UBOX5: variants seen among roughly 807,000 people sequenced by gnomAD.
UBOX5 encodes RING finger protein 37.
In UBOX5, 28 loss-of-function variants were observed where a neutral mutation model predicts 39.0. That is an observed-to-expected ratio of 0.72 (90% confidence interval 0.53 to 0.98). The LOEUF is 0.98. Ranked by LOEUF, UBOX5 falls within the 50% of genes least tolerant of loss-of-function variation. The pLI, the probability that UBOX5 is intolerant of heterozygous loss-of-function variation, is 0.00. For missense variants in UBOX5, 585 were observed against 674.4 expected, an observed-to-expected ratio of 0.87 and a Z score of 1.47; for synonymous variants, 283 against 275.5, an observed-to-expected ratio of 1.03 and a Z score of -0.27.
chr20:3,143,987 T>G (rs1198099730), intron 1 of UBOX5, among the ~76,000 whole-genome samples: 1 of 151,842 alleles, frequency 6.6e-6, no homozygotes, highest in Non-Finnish European at 1.5e-5. Flanking sequence ...ACTAAGAAAA[T>G]GTAAGATTTA....
At position 3,149,722 on chromosome 20, in the gene UBOX5, A is replaced by C. The variant is rs113071255; in HGVS notation, c.-42+10044T>G. Among the ~76,000 whole-genome samples the C allele has an allele frequency of 0.012, 1,787 of 152,348 alleles. 37 individuals are homozygous for C. Among genetic ancestry groups the C allele is most frequent in the African/African-American group, 0.041 (1,722 of 41,578 alleles). On this transcript the variant is annotated intron_variant, in intron 1 of 4. Transcript: ENST00000217173. The surrounding 1 kb of genome is among the most constrained non-coding windows in gnomAD (Gnocchi z 4.1). ...AAGTAAAAAGTGGGATCTGGTATAA[A>C]AGATAATTAGTTGGCTGGGTGTGGG...
At chr20:3,153,202 T>C (rs538567813) in intron 1 of UBOX5, among the ~76,000 whole-genome samples, 1 of 152,376 alleles carries the variant, frequency 6.6e-6, no homozygotes, top group African/African-American at 2.4e-5. Context: ...GAAATTACTA[T>C]ACGTGGTCTG....
At chr20:3,151,708 T>A (rs2066626952) in intron 1 of UBOX5, 1 of 151,968 alleles carries the variant, frequency 6.6e-6, no homozygotes, top group African/African-American at 2.4e-5. Context: ...ACTAAAATAA[T>A]GTTTTTCTTT....
At chr20:3,138,187 G>A (rs997210171) in intron 1 of UBOX5, among the ~76,000 whole-genome samples, 5 of 151,896 alleles carry the variant, frequency 3.3e-5, no homozygotes, top group Admixed American at 6.6e-5. Flanking sequence ...GTGAGAGAAT[G>A]GCTTGAACCT....
At chr20:3,119,196 C>T (rs2066315958) in intron 3 of UBOX5, among the ~76,000 whole-genome samples, 2 of 152,216 alleles carry the variant, frequency 1.3e-5, no homozygotes, top group Admixed American at 1.3e-4. Flanking sequence ...AGCTCCCACA[C>T]AGTACACTGC....
At chr20:3,126,519 A>C (rs1264883967) in intron 1 of UBOX5, among the ~76,000 whole-genome samples, 1 of 151,406 alleles carries the variant, frequency 6.6e-6, no homozygotes, top group Non-Finnish European at 1.5e-5. Flanking sequence ...ACTAAAAAAA[A>C]AAAAAGAAAA....
intron 1 of UBOX5, chr20:3,151,740 GA>G (rs1242930763): frequency 6.6e-6 from 1 of 151,874 alleles, no homozygotes; most frequent in Non-Finnish European, 1.5e-5. Context: ...GATAATTGAA[GA>G]TTACAGTCCT....
chr20:3,120,150 C>T (rs1165073137), intron 3 of UBOX5, among the ~76,000 whole-genome samples: 3 of 152,030 alleles, frequency 2.0e-5, no homozygotes, highest in Non-Finnish European at 4.4e-5. Flanking sequence ...AGGTTGAGAC[C>T]ATCCCGGGCA....
intron 1 of UBOX5, among the ~76,000 whole-genome samples, chr20:3,154,167 G>C (rs990139020): frequency 6.6e-6 from 1 of 152,148 alleles, no homozygotes; most frequent in African/African-American, 2.4e-5. Context: ...GAAATCCCAG[G>C]AAAAAGGTGA....
rs1250328826 is a variant in UBOX5, at chr20:3,121,767, T to C, written c.872A>G (p.Lys291Arg). ...GKVIDQSTLEKCNRSEATWGR... is the reference protein window; with the variant it reads ...GKVIDQSTLERCNRSEATWGR... ...CCATGTGGCTTCACTGCGGTTACAC[T>C]TCTCCAGTGTGCTCTGGTCGATGAC... The change falls in exon 3 of 5, where the codon AAG becomes AGG. Residue 291 changes from lysine to arginine, a missense_variant. By Grantham distance (26) the Lys-to-Arg change is conservative. Transcript: ENST00000217173. 3 of 1,613,942 alleles carry C rather than the reference T, an allele frequency of 1.9e-6. No homozygotes were observed. Among genetic ancestry groups the C allele is most frequent in the East Asian group, 2.2e-5 (1 of 44,846 alleles).
At chr20:3,145,387 T>A (rs1210364078) in intron 1 of UBOX5, among the ~76,000 whole-genome samples, 1 of 151,814 alleles carries the variant, frequency 6.6e-6, no homozygotes, top group Non-Finnish European at 1.5e-5. Flanking sequence ...GTTCAAGAGA[T>A]CACCCAAAGT....
At chr20:3,127,901 CA>C (rs2066402643) in intron 1 of UBOX5, among the ~76,000 whole-genome samples, 1 of 152,166 alleles carries the variant, frequency 6.6e-6, no homozygotes, top group African/African-American at 2.4e-5. Context: ...ACATGAATCT[CA>C]TGGGGTAGAA....
At chr20:3,153,025 A>T (rs1477016146) in intron 1 of UBOX5, among the ~76,000 whole-genome samples, 2 of 152,252 alleles carry the variant, frequency 1.3e-5, no homozygotes, top group African/African-American at 4.8e-5. Flanking sequence ...GCTGGTTTAC[A>T]AGATAAATGT....
At chr20:3,123,812 T>C (rs571711256) in intron 1 of UBOX5, among the ~76,000 whole-genome samples, 120 of 152,374 alleles carry the variant, frequency 7.9e-4, no homozygotes, top group Non-Finnish European at 1.1e-3. Flanking sequence ...AGCATCCTTG[T>C]CATTTAATAC....
chr20:3,120,934 C>T (rs186244359), intron 3 of UBOX5, among the ~76,000 whole-genome samples: 1 of 152,074 alleles, frequency 6.6e-6, no homozygotes, highest in Non-Finnish European at 1.5e-5. Context: ...AGAAATAACA[C>T]CCAGAGGAGC....
At chr20:3,151,876 A>G (rs2066628695) in intron 1 of UBOX5, 1 of 151,802 alleles carries the variant, frequency 6.6e-6, no homozygotes, top group African/African-American at 2.4e-5. Context: ...AGGCCAAGGC[A>G]GGCAGATCAC....
chr20:3,109,941 C>T lies in UBOX5; in HGVS notation c.*165G>A, dbSNP rs1228542201. The T allele has an allele frequency of 7.8e-6, 6 of 773,280 alleles. No individual in the cohort carries two copies. Among genetic ancestry groups the T allele is most frequent in the Admixed American group, 2.6e-5 (1 of 38,712 alleles). The allele number at this position is 773,280 out of a possible 1,614,324, so 47.9% of individuals were successfully genotyped here. On this transcript the variant is annotated 3_prime_UTR_variant, in exon 5 of 5. Coordinates refer to ENST00000217173, the MANE Select transcript of UBOX5 (RefSeq NM_014948.4). ...GGCTTTGTTGCCCTATTGCCACCAGCGCAGAAGCAATGTGCTATACCGTGA... is the reference window on the plus strand; with the variant it reads ...GGCTTTGTTGCCCTATTGCCACCAGTGCAGAAGCAATGTGCTATACCGTGA...
rs551656628 is a variant in UBOX5 at position 3,124,306 on chromosome 20, C to T, written c.-41-900G>A. Among the ~76,000 whole-genome samples the T allele has an allele frequency of 3.9e-5, 6 of 152,336 alleles. No individual in the cohort carries two copies. The East Asian group carries it at 1.2e-3, about 29-fold the overall frequency. On this transcript the variant is annotated intron_variant, in intron 1 of 4. Coordinates refer to ENST00000217173, the MANE Select transcript of UBOX5 (RefSeq NM_014948.4). ...CGTGATCTCAGCTCGCTGCAACCTCCCTGCCTCGGGCTCCCGTGATTCTCC... is the reference window on the plus strand; with the variant it reads ...CGTGATCTCAGCTCGCTGCAACCTCTCTGCCTCGGGCTCCCGTGATTCTCC...
rs1372976640 is a variant in UBOX5, at chr20:3,147,638, C to A, written c.-42+12128G>T. The stretch of plus-strand genomic sequence containing the variant: ...TGGAAAGTACTCCAAAAATGCCAGG[C>A]CCAGCAGGCAGGTGGGCAGGTGTTC... On this transcript the variant is annotated intron_variant, in intron 1 of 4. Coordinates refer to ENST00000217173, the MANE Select transcript of UBOX5 (RefSeq NM_014948.4). The A allele has an allele frequency of 3.1e-6, 5 of 1,614,076 alleles. No homozygotes were observed. The African/African-American group carries it at 6.7e-5, about 22-fold the overall frequency.
Sources: gnomAD v4.1 joint callset for allele counts (sites outside exome capture counted in the v4.1 genomes callset) on GRCh38, gnomAD v4.1.1 for gene constraint, Gnocchi (gnomAD v3.1) non-coding constraint, MANE v1.5 for transcripts, NCBI Gene and HGNC (gene_info 2026-07-23, HGNC 2026-07-21) for gene names.